The following MAPK6 variants were observed in gnomAD, a reference collection of about 807,000 sequenced individuals.
The protein encoded by MAPK6 is mitogen-activated protein kinase 6, also known as ERK-3.
A neutral mutation model predicts 59.3 loss-of-function variants in MAPK6; 19 were observed. The ratio of observed to expected loss-of-function variants is 0.32; its 90% confidence interval spans 0.22 to 0.47. The LOEUF is 0.47. MAPK6 is among the 20% of genes least tolerant of loss of function. The probability of loss-of-function intolerance (pLI) is 1.00; values close to 1 mark genes in which losing one functional copy is unlikely to be tolerated. For synonymous variants in MAPK6, 316 were observed against 290.3 expected (o/e 1.09, Z -0.90); for missense variants, 724 against 847.9 (o/e 0.85, Z 1.81).
chr15:52,041,754 A>C (rs902446149), intron 1 of MAPK6, among the ~76,000 whole-genome samples: 4 of 152,214 alleles, frequency 2.6e-5, no homozygotes, highest in African/African-American at 9.6e-5. Flanking sequence ...CTAGGAGAGC[A>C]TGAGAGGCCT....
intron 3 of MAPK6, among the ~76,000 whole-genome samples, chr15:52,054,157 C>T (rs982441456): frequency 6.6e-6 from 1 of 151,628 alleles, no homozygotes; most frequent in Non-Finnish European, 1.5e-5. Flanking sequence ...CACCTGAGAT[C>T]AGGAGTTTGA....
At chr15:51,992,049 C>G (rs2057210360) in intron 2 of MAPK6, among the ~76,000 whole-genome samples, 1 of 151,922 alleles carries the variant, frequency 6.6e-6, no homozygotes. Flanking sequence ...CTCGACATCC[C>G]AGGCTCCAGT....
In MAPK6 at chr15:52,046,827, C is replaced by T. The variant is rs1693495031; in HGVS notation, c.367C>T (p.Pro123Ser). The T allele has an allele frequency of 6.2e-7, 1 of 1,613,710 alleles. No homozygotes were observed. The highest frequency in any genetic ancestry group is 1.7e-5 in the Admixed American group (1 of 59,962). Residue 123 changes from proline to serine, a missense_variant, in exon 2 of 6, where the codon CCT becomes TCT. By Grantham distance (74) the Pro-to-Ser change is moderately conservative. Around this residue, in one of 4 missense-constraint regions of MAPK6, gnomAD observed 87 missense variants for 93.0 expected, o/e 0.93. Coordinates refer to ENST00000261845, the MANE Select transcript of MAPK6 (RefSeq NM_002748.4). ...TDLANVLEQG[P>S]LLEEHARLFM... ...CTTGGCTAATGTGCTGGAGCAGGGC[C>T]CTTTACTGGAAGAGCATGCCAGGCT...
At chr15:51,992,799 C>T (rs534659225) in intron 2 of MAPK6, among the ~76,000 whole-genome samples, 2 of 152,166 alleles carry the variant, frequency 1.3e-5, no homozygotes, top group African/African-American at 4.8e-5. Context: ...ACAAAGGATA[C>T]GGATGGATGA....
intron 2 of MAPK6, among the ~76,000 whole-genome samples, chr15:52,003,587 A>G (rs1021817361): frequency 1.3e-5 from 2 of 152,218 alleles, no homozygotes; most frequent in African/African-American, 4.8e-5. Flanking sequence ...CTCAACATCC[A>G]CCACAGGTAT....
intron 3 of MAPK6, among the ~76,000 whole-genome samples, chr15:52,056,352 G>C (rs1376630233): frequency 6.6e-6 from 1 of 152,084 alleles, no homozygotes; most frequent in Admixed American, 6.5e-5. Flanking sequence ...AATTTTTCCA[G>C]TCTTACAAAA....
In MAPK6 at chr15:52,027,349, C is replaced by CAAAAAAAAAAAAAAAAAAAA. The variant is rs71130120; in HGVS notation, c.-632+7992_-632+7993insAAAAAAAAAAAAAAAAAAAA. Among the ~76,000 whole-genome samples the CAAAAAAAAAAAAAAAAAAAA allele has an allele frequency of 6.1e-5, 3 of 49,170 alleles. 1 individual carries two copies. Among genetic ancestry groups the CAAAAAAAAAAAAAAAAAAAA allele is most frequent in the African/African-American group, 2.6e-4 (3 of 11,734 alleles). 32.3% of individuals were successfully genotyped at this position (49,170 alleles called of 152,430 possible). A position where few individuals can be genotyped will look rare whatever the true frequency, so the allele number is the denominator to read the frequency against. ...TGGGTGACAGAGCGAGACTCCCTCT[C>CAAAAAAAAAAAAAAAAAAAA]AAAAAAAAAAAAAAAAAAAGAAAAT... On this transcript the variant is annotated intron_variant, in intron 1 of 5. Coordinates refer to ENST00000261845, the MANE Select transcript of MAPK6 (RefSeq NM_002748.4).
chr15:51,972,868 G>C (rs1326870256), intron 1 of MAPK6, among the ~76,000 whole-genome samples: 2 of 151,426 alleles, frequency 1.3e-5, no homozygotes, highest in African/African-American at 2.4e-5. Context: ...CATTAGCCAG[G>C]CATGATGGCA....
At chr15:52,022,222 T>A (rs983222568) in intron 1 of MAPK6, among the ~76,000 whole-genome samples, 3 of 152,296 alleles carry the variant, frequency 2.0e-5, no homozygotes, top group African/African-American at 7.2e-5. Flanking sequence ...GTATACTGTT[T>A]ATTTTTCCAA....
intron 1 of MAPK6, among the ~76,000 whole-genome samples, chr15:52,024,052 A>G (rs1395591284): frequency 6.6e-6 from 1 of 152,258 alleles, no homozygotes; most frequent in African/African-American, 2.4e-5. Context: ...TTTTCACAGA[A>G]AAAAATGGTA....
Position 52,064,580 on chromosome 15 carries a change from G to C in MAPK6, c.1746G>C (p.Leu582=), listed in dbSNP as rs773656764. ...AACAGGAAAAAGGAATGGCAAATCT[G>C]GCTCAATTAGAAGCCTTGTACCAGT... The part of the protein sequence containing the change: ...QEKQEKGMAN[L]AQLEALYQSS... The change falls in exon 6 of 6, where the codon CTG becomes CTC. Residue 582 remains leucine, a synonymous_variant. Transcript: ENST00000261845. 6.2e-6 allele frequency: 10 copies of C among 1,611,678 alleles called. No homozygotes were observed. Among genetic ancestry groups the C allele is most frequent in the Non-Finnish European group, 8.5e-7 (1 of 1,179,768 alleles).
At chr15:52,014,046 C>T (rs868632790) in intron 3 of MAPK6, among the ~76,000 whole-genome samples, 1 of 151,576 alleles carries the variant, frequency 6.6e-6, no homozygotes, top group African/African-American at 2.4e-5. Context: ...ATGCTCATGT[C>T]TTTGTACATT....
rs756914214 is a variant in MAPK6, at chr15:52,064,230, C to T, written c.1396C>T (p.His466Tyr). The stretch of plus-strand genomic sequence containing the variant: ...AGTTTGGAGAGAGAGTGAAGTTAAC[C>T]ATTACTATGAACCCAAGCTTATTAT... ...NLVWRESEVNHYYEPKLIIDL... is the reference protein window; with the variant it reads ...NLVWRESEVNYYYEPKLIIDL... The change falls in exon 6 of 6, where the codon CAT (histidine) becomes TAT (tyrosine). Residue 466 changes from histidine (H) to tyrosine (Y), a missense_variant. His to Tyr is a moderately conservative substitution (Grantham distance 83). Around this residue, in one of 4 missense-constraint regions of MAPK6, gnomAD observed 502 missense variants for 507.6 expected, o/e 0.99. Coordinates refer to ENST00000261845, the MANE Select transcript of MAPK6 (RefSeq NM_002748.4). 1 of 1,611,292 alleles carries T rather than the reference C, an allele frequency of 6.2e-7. No individual in the cohort carries two copies. The highest frequency in any genetic ancestry group is 8.5e-7 in the Non-Finnish European group (1 of 1,179,458).
chr15:51,987,664 T>C (rs2057194940), intron 2 of MAPK6, among the ~76,000 whole-genome samples: 1 of 151,502 alleles, frequency 6.6e-6, no homozygotes, highest in Non-Finnish European at 1.5e-5. Flanking sequence ...CCCAGTACCC[T>C]CCAGTCCCCT....
chr15:51,985,657 A>C (rs781510351), intron 2 of MAPK6, among the ~76,000 whole-genome samples: 1 of 151,642 alleles, frequency 6.6e-6, no homozygotes, highest in Non-Finnish European at 1.5e-5. Context: ...TGTCTCAAAA[A>C]AACAAAAAAC....
intron 2 of MAPK6, among the ~76,000 whole-genome samples, chr15:51,984,504 C>T (rs935171277): frequency 7.4e-6 from 1 of 135,378 alleles, no homozygotes; most frequent in South Asian, 2.5e-4. Flanking sequence ...AGGGTTTCAC[C>T]GTGTTAGCCA....
chr15:52,000,000 G>T (rs1412611636), intron 2 of MAPK6, among the ~76,000 whole-genome samples: 2 of 152,086 alleles, frequency 1.3e-5, no homozygotes, highest in African/African-American at 4.8e-5. Context: ...GTGCAGTGCT[G>T]CAATCACAGC....
At chr15:52,016,076 A>ACC (rs2030252487), upstream of MAPK6, among the ~76,000 whole-genome samples, 1 of 102,332 alleles carries the variant, frequency 9.8e-6, no homozygotes, top group Admixed American at 9.2e-5. Context: ...GCGCGCACAC[A>ACC]CACACACACA....
intron 4 of MAPK6, among the ~76,000 whole-genome samples, chr15:52,060,131 C>G (rs971543067): frequency 6.6e-6 from 1 of 152,106 alleles, no homozygotes; most frequent in African/African-American, 2.4e-5. Context: ...CCTAGCTGTT[C>G]AGGAGGCTGA....
Sources: allele counts gnomAD v4.1 joint callset (sites outside exome capture counted in the v4.1 genomes callset), GRCh38; gene constraint gnomAD v4.1.1; regional missense constraint gnomAD v4.1.1; transcripts MANE v1.5; gene names NCBI Gene and HGNC (gene_info 2026-07-23, HGNC 2026-07-21).